Variants in STS observed in about 807,000 individuals in gnomAD.
The protein encoded by STS is steroid sulfatase.
Under a neutral mutation model 26.8 loss-of-function variants are expected in STS, and 7 were observed. That is an observed-to-expected ratio of 0.26 (90% CI 0.15 to 0.49). STS has a LOEUF of 0.49. Ranked by LOEUF, STS falls within the 20% of genes least tolerant of loss-of-function variation. The pLI, the probability that STS is intolerant of heterozygous loss-of-function variation, is 0.98. For synonymous variants in STS, 199 were observed against 189.4 expected, an observed-to-expected ratio of 1.05 and a Z score of -0.42; for missense variants, 434 against 465.6, an observed-to-expected ratio of 0.93 and a Z score of 0.63.
rs1485918787 is a variant in STS at position 7,305,093 on chromosome X, C to G, written c.991C>G (p.Leu331Val). 8.3e-7 allele frequency: 1 copy of G among 1,209,359 alleles called. No homozygotes were observed. Among genetic ancestry groups the G allele is most frequent in the Non-Finnish European group, 1.1e-6 (1 of 894,615 alleles). The change falls in exon 8 of 11, where the codon CTC becomes GTC. Residue 331 changes from leucine (L) to valine (V), a missense_variant. Leu to Val is a conservative substitution (Grantham distance 32). This residue lies in a region of STS where 229 missense variants were observed against 288.3 expected (regional missense o/e 0.79). Coordinates refer to ENST00000674429, the MANE Select transcript of STS (RefSeq NM_001320752.2). ...TGAGCTGAGATTGGCTAATGATACC[C>G]TCATCTACTTCACATCGGACCAGGG... The part of the protein sequence containing the change: ...LDELRLANDT[L>V]IYFTSDQGAH...
Position 7,349,942 on chromosome X carries a change from C to G in STS, c.1418C>G (p.Ser473Cys). The change falls in exon 11 of 11, where the codon TCC becomes TGC. Residue 473 changes from serine to cysteine, a missense_variant. Physicochemically the swap from Ser to Cys is moderately radical, Grantham distance 112 (BLOSUM62 -1). This residue lies in a region of STS where 205 missense variants were observed against 177.3 expected (regional missense o/e 1.16). Transcript: ENST00000674429. ...FFTPNFNPVG[S>C]NGCFATHVCF... ...ACCCCCAACTTCAACCCCGTGGGTT[C>G]CAACGGATGCTTTGCCACACACGTG... 8.3e-7 allele frequency: 1 copy of G among 1,211,836 alleles called. No individual in the cohort carries two copies. Among genetic ancestry groups the G allele is most frequent in the Non-Finnish European group, 1.1e-6 (1 of 895,440 alleles).
intron 1 of STS, among the ~76,000 whole-genome samples, chrX:7,154,828 C>CA (rs1169399982): frequency 1.5e-4 from 16 of 108,809 alleles, no homozygotes; most frequent in South Asian, 3.9e-4. Context: ...AAAACACCAG[C>CA]AAAAAAAAAT....
upstream of STS, among the ~76,000 whole-genome samples, chrX:7,147,397 G>C (rs1243819530): frequency 1.8e-5 from 2 of 111,439 alleles, no homozygotes; most frequent in East Asian, 5.7e-4. Flanking sequence ...CCTGTGCACT[G>C]CGGGAAGTTT....
intron 2 of STS, among the ~76,000 whole-genome samples, chrX:7,193,647 T>C (rs1457496523): frequency 1.8e-5 from 2 of 111,234 alleles, no homozygotes; most frequent in African/African-American, 6.5e-5. Context: ...GTGGGAGTGT[T>C]GCAGTGGGGG....
chrX:7,236,035 A>G (rs1208522133), intron 2 of STS, among the ~76,000 whole-genome samples: 4 of 112,368 alleles, frequency 3.6e-5, no homozygotes, highest in African/African-American at 1.3e-4. Context: ...TTAATTTAAT[A>G]TAACTTTATA....
At chrX:7,303,960 C>T (rs1389053981) in intron 7 of STS, among the ~76,000 whole-genome samples, 2 of 111,927 alleles carry the variant, frequency 1.8e-5, no homozygotes, top group Non-Finnish European at 3.8e-5. Context: ...CATTTATTCT[C>T]GCCCTGCATT....
At chrX:7,159,265 A>G (rs1371602780) in intron 1 of STS, among the ~76,000 whole-genome samples, 1 of 111,306 alleles carries the variant, frequency 9.0e-6, no homozygotes, top group Non-Finnish European at 1.9e-5. Context: ...CTGCTGTTTC[A>G]TCAGCGTTGA....
At chrX:7,228,385 C>T (rs1454136543) in intron 2 of STS, among the ~76,000 whole-genome samples, 1 of 111,936 alleles carries the variant, frequency 8.9e-6, no homozygotes, top group African/African-American at 3.2e-5. Context: ...TAACACTTGT[C>T]TCTTGTTTTT....
chrX:7,300,596 C>T (rs1181040090), intron 7 of STS, among the ~76,000 whole-genome samples: 1 of 111,350 alleles, frequency 9.0e-6, no homozygotes, highest in African/African-American at 3.3e-5. Flanking sequence ...AGTATGGGAT[C>T]CAGACTGTAT....
intron 5 of STS, among the ~76,000 whole-genome samples, chrX:7,258,056 ATAGC>A (rs1211183189): frequency 1.8e-4 from 19 of 106,870 alleles, no homozygotes; most frequent in Non-Finnish European, 2.1e-4. Context: ...GGAATAGATG[ATAGC>A]TAGCTAGCTA....
chrX:7,274,335 T>A (rs1376232480), intron 6 of STS, among the ~76,000 whole-genome samples: 1 of 111,323 alleles, frequency 9.0e-6, no homozygotes, highest in Non-Finnish European at 1.9e-5. Flanking sequence ...CATTGCAGCT[T>A]CTTGCACAAA....
intron 6 of STS, among the ~76,000 whole-genome samples, chrX:7,262,442 G>A (rs1923794277): frequency 9.0e-6 from 1 of 111,486 alleles, no homozygotes; most frequent in African/African-American, 3.3e-5. Context: ...CTTGACATGG[G>A]GCTAAGAGGC....
chrX:7,253,476 A>C, intron 3 of STS, 140 bp downstream of exon 3: 1 of 843,271 alleles, frequency 1.2e-6, no homozygotes. Flanking sequence ...TCATGTAGAT[A>C]CACTGAGATG....
At chrX:7,326,252 C>T (rs966105996) in intron 9 of STS, among the ~76,000 whole-genome samples, 1 of 111,288 alleles carries the variant, frequency 9.0e-6, no homozygotes, top group African/African-American at 3.3e-5. Flanking sequence ...GGTGGGTTTG[C>T]CAATGTAAAA....
At chrX:7,307,890 T>G (rs1926293902) in intron 8 of STS, among the ~76,000 whole-genome samples, 1 of 112,452 alleles carries the variant, frequency 8.9e-6, no homozygotes, top group Admixed American at 9.4e-5. Flanking sequence ...ATGGGACATA[T>G]GTTAAAGTGT....
intron 2 of STS, among the ~76,000 whole-genome samples, chrX:7,202,004 C>A (rs1934082497): frequency 9.0e-6 from 1 of 111,330 alleles, no homozygotes; most frequent in African/African-American, 3.3e-5. Flanking sequence ...TTGGATGTGT[C>A]TGTGAGTGTG....
At chrX:7,206,814 G>A (rs780144207) in intron 2 of STS, among the ~76,000 whole-genome samples, 1 of 112,366 alleles carries the variant, frequency 8.9e-6, no homozygotes, top group Non-Finnish European at 1.9e-5. Flanking sequence ...CGATCCAATG[G>A]TCATCAGAGG....
chrX:7,302,303 A>G (rs1409705808), intron 7 of STS, among the ~76,000 whole-genome samples: 1 of 111,505 alleles, frequency 9.0e-6, no homozygotes, highest in African/African-American at 3.3e-5. Context: ...AACGGGGGTT[A>G]TAGCGCCTTA....
chrX:7,203,150 G>A (rs1934105222), intron 2 of STS, among the ~76,000 whole-genome samples: 1 of 111,247 alleles, frequency 9.0e-6, no homozygotes, highest in African/African-American at 3.3e-5. Flanking sequence ...CCCACCCTTG[G>A]ACTCCGGGAT....
Sources: allele counts gnomAD v4.1 joint callset (sites outside exome capture counted in the v4.1 genomes callset), GRCh38; gene constraint gnomAD v4.1.1; regional missense constraint gnomAD v4.1.1; transcripts MANE v1.5; gene names NCBI Gene and HGNC (gene_info 2026-07-23, HGNC 2026-07-21).